Variants in MGMT observed in about 807,000 individuals in gnomAD.
MGMT encodes the protein methylated-DNA--protein-cysteine methyltransferase.
In MGMT, 14 loss-of-function variants were observed where a neutral mutation model predicts 15.9. The observed-to-expected ratio is 0.88, with a 90% CI of 0.58 to 1.37. The LOEUF (loss-of-function observed/expected upper bound fraction) is 1.37. MGMT is among the 40% of genes most tolerant of loss of function. MGMT has a pLI of 0.00. For missense variants in MGMT, 282 were observed against 268.1 expected (o/e 1.05, Z -0.36); for synonymous variants, 130 against 118.2 (o/e 1.10, Z -0.65).
At chr10:129,525,474 C>T (rs939777647) in intron 1 of MGMT, among the ~76,000 whole-genome samples, 1 of 152,162 alleles carries the variant, frequency 6.6e-6, no homozygotes, top group Non-Finnish European at 1.5e-5. Flanking sequence ...GATGACTATG[C>T]TGAGCCCTTT....
rs139958644 is a variant in MGMT, at chr10:129,767,816, C to G, written c.*819C>G. On this transcript the variant is annotated 3_prime_UTR_variant, in exon 5 of 5. Coordinates refer to ENST00000651593, the MANE Select transcript of MGMT (RefSeq NM_002412.5). Reference sequence around the variant, plus strand: ...GACCATGGGCCTGTTAGGACCCCAGCACCCCAGTGTCGATCCTGGAAGTCA... The same window carrying G: ...GACCATGGGCCTGTTAGGACCCCAGGACCCCAGTGTCGATCCTGGAAGTCA... The G allele has an allele frequency of 6.6e-6, 1 of 152,370 alleles. No homozygotes were observed. The highest frequency in any genetic ancestry group is 1.9e-4 in the East Asian group (1 of 5,168). 9.4% of individuals were successfully genotyped at this position (152,370 alleles called of 1,614,324 possible).
intron 1 of MGMT, among the ~76,000 whole-genome samples, chr10:129,527,002 A>T (rs1589850857): frequency 6.6e-6 from 1 of 152,216 alleles, no homozygotes. Context: ...GCCACCAAGT[A>T]CCATCAGCCA....
At chr10:129,736,755 G>A (rs1311001046) in intron 3 of MGMT, among the ~76,000 whole-genome samples, 1 of 151,776 alleles carries the variant, frequency 6.6e-6, no homozygotes, top group East Asian at 1.9e-4. Context: ...GGCAGGCCTG[G>A]TGGTGACAAA....
intron 2 of MGMT, among the ~76,000 whole-genome samples, chr10:129,582,072 C>G (rs1380938510): frequency 2.0e-5 from 3 of 152,174 alleles, no homozygotes; most frequent in Non-Finnish European, 2.9e-5. Flanking sequence ...GGGTGAATTC[C>G]TCCTTCACAT....
intron 2 of MGMT, among the ~76,000 whole-genome samples, chr10:129,546,771 C>T (rs76546890): frequency 4.6e-5 from 7 of 152,280 alleles, no homozygotes; most frequent in Admixed American, 2.6e-4. Context: ...AGGCCCTGAA[C>T]GTAAGAATTC....
At chr10:129,728,935 C>G (rs1010082167) in intron 3 of MGMT, among the ~76,000 whole-genome samples, 9 of 152,064 alleles carry the variant, frequency 5.9e-5, no homozygotes, top group African/African-American at 1.2e-4. Context: ...CTTAACATGC[C>G]CACACTGGGT....
chr10:129,517,831 G>A (rs373949489), intron 1 of MGMT, among the ~76,000 whole-genome samples: 221 of 152,324 alleles, frequency 1.5e-3, no homozygotes, highest in African/African-American at 5.0e-3. Flanking sequence ...CTGCGACGCC[G>A]CAGCCCGGGA....
intron 2 of MGMT, among the ~76,000 whole-genome samples, chr10:129,686,267 A>G (rs1052750437): frequency 1.3e-5 from 2 of 152,168 alleles, no homozygotes; most frequent in African/African-American, 4.8e-5. Flanking sequence ...GGGAAAGAAA[A>G]AAAAAAGAGA....
intron 2 of MGMT, among the ~76,000 whole-genome samples, chr10:129,561,810 A>G (rs1372204003): frequency 2.0e-5 from 3 of 152,214 alleles, no homozygotes; most frequent in African/African-American, 2.4e-5. Flanking sequence ...CTTAACATAA[A>G]TGATTACATT....
At chr10:129,570,440 C>T (rs1198359995) in intron 2 of MGMT, among the ~76,000 whole-genome samples, 2 of 152,260 alleles carry the variant, frequency 1.3e-5, no homozygotes, top group Non-Finnish European at 2.9e-5. Flanking sequence ...TCTGTGCCCA[C>T]GTGTCACGAG....
chr10:129,637,868 C>G (rs1322040419), intron 2 of MGMT, among the ~76,000 whole-genome samples: 5 of 152,180 alleles, frequency 3.3e-5, no homozygotes, highest in African/African-American at 9.6e-5. Flanking sequence ...CACCTTGAAC[C>G]TAGACTTGCA....
intron 2 of MGMT, among the ~76,000 whole-genome samples, chr10:129,544,698 C>T (rs55839765): frequency 0.038 from 5,754 of 152,312 alleles, 170 homozygotes; most frequent in South Asian, 0.066. Context: ...CCTGTGTCTG[C>T]GCTGGGCTTG....
chr10:129,563,806 T>A (rs1564853293), intron 2 of MGMT: 1 of 152,216 alleles, frequency 6.6e-6, no homozygotes, highest in East Asian at 1.9e-4. Context: ...CGTGCCTCGG[T>A]GTGATCATTA....
chr10:129,587,458 A>G (rs535519721), intron 2 of MGMT, among the ~76,000 whole-genome samples: 43 of 149,398 alleles, frequency 2.9e-4, no homozygotes, highest in African/African-American at 9.9e-4. Flanking sequence ...ATTTTAATCC[A>G]TAAAAATTTG....
At chr10:129,632,011 G>A (rs186576102) in intron 2 of MGMT, among the ~76,000 whole-genome samples, 122 of 152,252 alleles carry the variant, frequency 8.0e-4, no homozygotes, top group African/African-American at 2.8e-3. Context: ...TGCTGGGATT[G>A]CAGGCGTAAG....
chr10:129,571,335 C>A (rs957933717), intron 2 of MGMT, among the ~76,000 whole-genome samples: 1 of 152,130 alleles, frequency 6.6e-6, no homozygotes, highest in African/African-American at 2.4e-5. Context: ...GGCCCTAAGG[C>A]AACTTGAAAT....
At chr10:129,573,874 G>A (rs965992770) in intron 2 of MGMT, among the ~76,000 whole-genome samples, 2 of 152,100 alleles carry the variant, frequency 1.3e-5, no homozygotes, top group African/African-American at 4.8e-5. Context: ...TCACCGAATG[G>A]AGAATACTTA....
chr10:129,524,973 A>G (rs1323344383), intron 1 of MGMT, among the ~76,000 whole-genome samples: 1 of 152,178 alleles, frequency 6.6e-6, no homozygotes, highest in African/African-American at 2.4e-5. Flanking sequence ...TGGTTTAGCT[A>G]AACTGTCGGA....
chr10:129,515,883 A>G (rs1271642056), intron 1 of MGMT, among the ~76,000 whole-genome samples: 1 of 152,242 alleles, frequency 6.6e-6, no homozygotes, highest in African/African-American at 2.4e-5. Context: ...ATCCACAGCA[A>G]GGGAAAAGAG....
Sources: gnomAD v4.1 joint callset for allele counts (sites outside exome capture counted in the v4.1 genomes callset) on GRCh38, gnomAD v4.1.1 for gene constraint, MANE v1.5 for transcripts, NCBI Gene and HGNC (gene_info 2026-07-23, HGNC 2026-07-21) for gene names.